CHCHD6: variants seen among roughly 807,000 people sequenced by gnomAD.
The protein encoded by CHCHD6 is MICOS complex subunit MIC25.
In CHCHD6, 28 loss-of-function variants were observed where a neutral mutation model predicts 32.3. The observed-to-expected ratio is 0.87, with a 90% CI of 0.64 to 1.19. The LOEUF is 1.19. Among genes scored for constraint, CHCHD6 ranks in the 50% most tolerant of loss-of-function variants. The pLI is 0.00. For synonymous variants in CHCHD6, 122 were observed against 117.5 expected (o/e 1.04, Z -0.25); for missense variants, 333 against 307.0 (o/e 1.08, Z -0.63).
intron 6 of CHCHD6, among the ~76,000 whole-genome samples, chr3:126,920,075 A>G (rs891836357): frequency 2.6e-5 from 4 of 151,954 alleles, no homozygotes; most frequent in Admixed American, 2.0e-4. Flanking sequence ...AAAAATTTCC[A>G]TGCTATAGTT....
At chr3:126,862,299 CTCCTCT>C (rs1941939772) in intron 5 of CHCHD6, among the ~76,000 whole-genome samples, 3 of 137,428 alleles carry the variant, frequency 2.2e-5, no homozygotes, top group Admixed American at 7.1e-5. Context: ...CCTCCTCCTC[CTCCTCT>C]ACCATCATCA....
intron 4 of CHCHD6, chr3:126,780,391 C>T (rs1450984653): frequency 4.9e-6 from 2 of 411,982 alleles, no homozygotes; most frequent in Admixed American, 5.6e-5. Context: ...AAAAAGGCTC[C>T]ATCACTCCAA....
chr3:126,805,237 G>A (rs1330835175), intron 4 of CHCHD6, among the ~76,000 whole-genome samples: 85 of 152,200 alleles, frequency 5.6e-4, no homozygotes, highest in African/African-American at 8.4e-4. Context: ...AGGGTATTCA[G>A]TTAGGAAAAG....
intron 1 of CHCHD6, among the ~76,000 whole-genome samples, chr3:126,713,645 A>G (rs151281394): frequency 1.6e-3 from 242 of 152,186 alleles, no homozygotes; most frequent in African/African-American, 5.6e-3. Flanking sequence ...AAAATGATCT[A>G]TTCCACACTT....
intron 4 of CHCHD6, among the ~76,000 whole-genome samples, chr3:126,820,532 C>T (rs928810656): frequency 2.0e-5 from 3 of 152,188 alleles, no homozygotes; most frequent in Non-Finnish European, 4.4e-5. Context: ...GTGAGGTTCA[C>T]CCATGTATTT....
chr3:126,797,223 G>T (rs1320354492), intron 4 of CHCHD6, among the ~76,000 whole-genome samples: 1 of 152,218 alleles, frequency 6.6e-6, no homozygotes, highest in Non-Finnish European at 1.5e-5. Flanking sequence ...AGCATTCTGT[G>T]TGTTGCTTTG....
intron 2 of CHCHD6, among the ~76,000 whole-genome samples, 163 bp downstream of exon 2, chr3:126,727,349 G>A (rs1935583198): frequency 6.6e-6 from 1 of 152,178 alleles, no homozygotes; most frequent in South Asian, 2.1e-4. Flanking sequence ...TGGCTTTCTG[G>A]GAGTGATGGG....
At chr3:126,733,645 C>T (rs1362725657) in intron 4 of CHCHD6, among the ~76,000 whole-genome samples, 1 of 152,172 alleles carries the variant, frequency 6.6e-6, no homozygotes, top group Non-Finnish European at 1.5e-5. Flanking sequence ...AGGTTGGGTG[C>T]AAATCCTGGA....
intron 2 of CHCHD6, among the ~76,000 whole-genome samples, chr3:126,728,606 T>C (rs1475134315): frequency 6.6e-6 from 1 of 152,216 alleles, no homozygotes; most frequent in Non-Finnish European, 1.5e-5. Flanking sequence ...AACTAACTGA[T>C]GAGAAGGGCT....
At chr3:126,786,078 T>C (rs986461949) in intron 4 of CHCHD6, among the ~76,000 whole-genome samples, 1 of 152,164 alleles carries the variant, frequency 6.6e-6, no homozygotes, top group African/African-American at 2.4e-5. Context: ...ACATGCGGTG[T>C]TTGGTTTTTT....
intron 5 of CHCHD6, among the ~76,000 whole-genome samples, chr3:126,866,283 G>A (rs1272261368): frequency 1.3e-5 from 2 of 152,194 alleles, no homozygotes; most frequent in Admixed American, 1.3e-4. Flanking sequence ...CACTTGCAAA[G>A]CAGTAGTCAA....
intron 5 of CHCHD6, among the ~76,000 whole-genome samples, chr3:126,876,825 A>T (rs754083967): frequency 1.6e-4 from 24 of 152,228 alleles, no homozygotes; most frequent in Non-Finnish European, 3.1e-4. Flanking sequence ...TTGAAGAAGA[A>T]AAAGAGTTAT....
intron 4 of CHCHD6, among the ~76,000 whole-genome samples, chr3:126,755,683 G>A (rs1559825072): frequency 6.6e-6 from 1 of 152,136 alleles, no homozygotes; most frequent in South Asian, 2.1e-4. Context: ...AAAGATACCA[G>A]TAGCTCCCCT....
chr3:126,839,299 A>G (rs1248910060), intron 4 of CHCHD6, among the ~76,000 whole-genome samples: 1 of 152,230 alleles, frequency 6.6e-6, no homozygotes, highest in Non-Finnish European at 1.5e-5. Flanking sequence ...GAAGAGTACA[A>G]GCAGGTAAAC....
intron 4 of CHCHD6, among the ~76,000 whole-genome samples, chr3:126,848,299 CTTG>C (rs754540797): frequency 1.6e-4 from 25 of 152,096 alleles, no homozygotes; most frequent in Non-Finnish European, 2.1e-4. Context: ...TAATTTTTCC[CTTG>C]TTGTTCTCAG....
intron 4 of CHCHD6, among the ~76,000 whole-genome samples, chr3:126,820,554 G>T (rs1016397733): frequency 6.6e-6 from 1 of 152,158 alleles, no homozygotes; most frequent in Non-Finnish European, 1.5e-5. Flanking sequence ...GCAGTAGTTT[G>T]TTCTTTTCCA....
intron 4 of CHCHD6, among the ~76,000 whole-genome samples, chr3:126,748,111 T>C (rs1576368303): frequency 3.9e-5 from 6 of 152,220 alleles, no homozygotes; most frequent in Admixed American, 3.9e-4. Context: ...TCCCCTCCTC[T>C]TAGAGCCTGC....
Position 126,926,573 on chromosome 3 carries a change from CT to C in CHCHD6, c.566+11825del, listed in dbSNP as rs2078327301. Among the ~76,000 whole-genome samples, 3 of 152,224 alleles carry C rather than the reference CT, an allele frequency of 2.0e-5. No individual in the cohort carries two copies. In the South Asian group the frequency reaches 6.2e-4, roughly 32 times the overall value. On this transcript the variant is annotated intron_variant, in intron 6 of 7. Coordinates refer to ENST00000290913, the MANE Select transcript of CHCHD6 (RefSeq NM_032343.3). ...TGAGTGGAGACTCAGTTGGGCCTCT[CT>C]TCCTGGAGTATTAGGGGAAAGATGG... is the stretch of plus-strand genomic sequence containing the variant.
In CHCHD6 at chr3:126,733,224, T is replaced by G. The variant is rs1576350680; in HGVS notation, c.411+2T>G. 6.2e-7 allele frequency: 1 copy of G among 1,612,902 alleles called. No individual in the cohort carries two copies. Among genetic ancestry groups the G allele is most frequent in the Non-Finnish European group, 8.5e-7 (1 of 1,179,538 alleles). On this transcript the variant is annotated splice_donor_variant, in intron 4 of 7. Coordinates refer to ENST00000290913, the MANE Select transcript of CHCHD6 (RefSeq NM_032343.3). LOFTEE classifies it high-confidence loss of function. ...GAGGAGCAGAAGTCAGTCCGGCTGGTGAGTGCAGATTTTCCCTGATCTGGC... is the reference window on the plus strand; with the variant it reads ...GAGGAGCAGAAGTCAGTCCGGCTGGGGAGTGCAGATTTTCCCTGATCTGGC...
Sources: allele counts gnomAD v4.1 joint callset (sites outside exome capture counted in the v4.1 genomes callset), GRCh38; gene constraint gnomAD v4.1.1; transcripts MANE v1.5; gene names NCBI Gene and HGNC (gene_info 2026-07-23, HGNC 2026-07-21).